Variants in RNF168 observed in about 807,000 individuals in gnomAD.
RNF168 encodes the protein ring finger protein 168.
In RNF168, 34 loss-of-function variants were observed where a neutral mutation model predicts 34.9. The observed-to-expected ratio is 0.97, with a 90% CI of 0.74 to 1.30. The LOEUF (loss-of-function observed/expected upper bound fraction) is 1.30, where lower values mean the gene tolerates loss of function less well. Among genes scored for constraint, RNF168 ranks in the 50% most tolerant of loss-of-function variants. The pLI is 0.00. For synonymous variants in RNF168, 264 were observed against 254.7 expected (o/e 1.04, Z -0.35); for missense variants, 725 against 682.5 (o/e 1.06, Z -0.69).
rs978930488 is a variant in RNF168, at chr3:196,483,823, G to C, written c.627C>G (p.Pro209=). 3 of 1,606,310 alleles carry C rather than the reference G, an allele frequency of 1.9e-6. No homozygotes were observed. The highest frequency in any genetic ancestry group is 3.3e-5 in the Admixed American group (2 of 59,988). The change falls in exon 4 of 6, where the codon CCC becomes CCG. Residue 209 remains proline, a synonymous_variant. Transcript: ENST00000318037. ...LNSRKSDPVT[P]KSEKKSKNKQ... ...TGTTCTTACTTTTCTTTTCAGACTT[G>C]GGTGTAACTGGATCAGATTTTCTGG...
In RNF168 at chr3:196,472,063, C is replaced by T; in HGVS notation, c.1472G>A (p.Arg491Lys). Reference protein sequence around the residue: ...SPPDKVLNGQRKNPKDGNFKR... With the variant: ...SPPDKVLNGQKKNPKDGNFKR... ...GAAGTTCCCATCTTTGGGATTCTTCCTCTGTCCATTTAGCACTTTGTCTGG... is the reference window on the plus strand; with the variant it reads ...GAAGTTCCCATCTTTGGGATTCTTCTTCTGTCCATTTAGCACTTTGTCTGG... The change falls in exon 6 of 6, where the codon AGG (arginine) becomes AAG (lysine). Residue 491 changes from arginine to lysine, a missense_variant. By Grantham distance (26) the Arg-to-Lys change is conservative. Transcript: ENST00000318037. 1 of 1,613,594 alleles carries T rather than the reference C, an allele frequency of 6.2e-7. No homozygotes were observed. The highest frequency in any genetic ancestry group is 1.1e-5 in the South Asian group (1 of 91,002).
rs1421947262 is a variant in RNF168, at chr3:196,483,896, A to G, written c.559-5T>C. ...ACTTCCCTCACAGAAATTGTTCTTC[A>G]ACAATAGAAAAAGCATAACAGACAT... On this transcript the variant is annotated splice_region_variant and splice_polypyrimidine_tract_variant and intron_variant, in intron 3 of 5. Coordinates refer to ENST00000318037, the MANE Select transcript of RNF168 (RefSeq NM_152617.4). 6.2e-7 allele frequency: 1 copy of G among 1,602,716 alleles called. No individual in the cohort carries two copies. The highest frequency in any genetic ancestry group is 8.5e-7 in the Non-Finnish European group (1 of 1,169,920).
At chr3:196,480,116 G>A (rs1002674349) in intron 4 of RNF168, among the ~76,000 whole-genome samples, 7 of 152,258 alleles carry the variant, frequency 4.6e-5, no homozygotes, top group Admixed American at 1.3e-4. Flanking sequence ...TCACCAGAAA[G>A]TATACTTAGG....
intron 4 of RNF168, among the ~76,000 whole-genome samples, chr3:196,483,240 A>C (rs1732339663): frequency 6.6e-6 from 1 of 152,202 alleles, no homozygotes; most frequent in East Asian, 1.9e-4. Flanking sequence ...AGAAGTCCTT[A>C]TGTATTTTTC....
chr3:196,475,017 G>A lies in RNF168; in HGVS notation c.762+214C>T, dbSNP rs1162394490. 7.5e-6 allele frequency: 4 copies of A among 530,804 alleles called. No individual in the cohort carries two copies. The East Asian group carries it at 1.3e-4, about 18-fold the overall frequency. 32.9% of individuals were successfully genotyped at this position (530,804 alleles called of 1,614,324 possible). A position where few individuals can be genotyped will look rare whatever the true frequency, so the allele number is the denominator to read the frequency against. On this transcript the variant is annotated intron_variant, in intron 5 of 5. Transcript: ENST00000318037. Reference sequence around the variant, plus strand: ...AAAGGCGAAAATATTCACTCTCTTAGAGAAAAACTTTGCTTTTTGTAGTAT... The same window carrying A: ...AAAGGCGAAAATATTCACTCTCTTAAAGAAAAACTTTGCTTTTTGTAGTAT...
chr3:196,498,776 CCT>C, intron 1 of RNF168, among the ~76,000 whole-genome samples: 2 of 152,080 alleles, frequency 1.3e-5, no homozygotes, highest in African/African-American at 4.8e-5. Flanking sequence ...GGGTGGATCA[CCT>C]GAGGTCAGGA....
At chr3:196,473,997 A>T (rs1157252667) in intron 5 of RNF168, among the ~76,000 whole-genome samples, 1 of 152,168 alleles carries the variant, frequency 6.6e-6, no homozygotes, top group East Asian at 1.9e-4. Flanking sequence ...TGTGGTCTCA[A>T]AGTAGTTAAT....
chr3:196,503,028 A>C lies in RNF168; in HGVS notation c.146T>G (p.Leu49Ter). 6.2e-7 allele frequency: 1 copy of C among 1,614,134 alleles called. No homozygotes were observed. The highest frequency in any genetic ancestry group is 8.5e-7 in the Non-Finnish European group (1 of 1,180,030). The change falls in exon 1 of 6, where the codon TTA (leucine) becomes TGA (stop). Residue 49 changes from leucine to a stop codon, truncating the protein, a stop_gained. Transcript: ENST00000318037. LOFTEE classifies it high-confidence loss of function. Reference sequence around the variant, plus strand: ...CCGGCGGCGACAGAAGGGACAGCATAAACTCGCCTTTTCGACGGTCGACTG... The same window carrying C: ...CCGGCGGCGACAGAAGGGACAGCATCAACTCGCCTTTTCGACGGTCGACTG... ...CFQSTVEKAS[L>*]CCPFCRRRVS...
At chr3:196,502,042 C>A (rs1338463450) in intron 1 of RNF168, among the ~76,000 whole-genome samples, 8 of 39,944 alleles carry the variant, frequency 2.0e-4, no homozygotes, top group Non-Finnish European at 2.6e-4. Flanking sequence ...TAACTGTGAC[C>A]AAAAAAAATT....
intron 1 of RNF168, among the ~76,000 whole-genome samples, chr3:196,492,188 C>T (rs1243429137): frequency 6.6e-6 from 1 of 152,110 alleles, no homozygotes; most frequent in East Asian, 1.9e-4. Flanking sequence ...TCACTTTACA[C>T]ATTAGATACA....
rs780872773 is a variant in RNF168 at position 196,503,084 on chromosome 3, C to A, written c.90G>T (p.Pro30=). 5 of 1,614,122 alleles carry A rather than the reference C, an allele frequency of 3.1e-6. No individual in the cohort carries two copies. The East Asian group carries it at 8.9e-5, about 29-fold the overall frequency. The change falls in exon 1 of 6, where the codon CCG becomes CCT. Residue 30 remains proline (P), a synonymous_variant. Coordinates refer to ENST00000318037, the MANE Select transcript of RNF168 (RefSeq NM_152617.4). ...MEILVEPVTL[P]CNHTLCKPCF... ...ACGGTTTACACAGCGTGTGGTTACA[C>A]GGGAGGGTGACGGGCTCCACGAGGA...
In RNF168 at chr3:196,495,176, C is replaced by CGTGTGT. The variant is rs34914417; in HGVS notation, c.302-6499_302-6494dup. ...GTTTTTAAACTGCCACATTGCCTTT[C>CGTGTGT]GTGTGTGTGTGTGTGTATTTTCTGA... On this transcript the variant is annotated intron_variant, in intron 1 of 5. Coordinates refer to ENST00000318037, the MANE Select transcript of RNF168 (RefSeq NM_152617.4). Among the ~76,000 whole-genome samples, 1,474 of 150,026 alleles carry CGTGTGT rather than the reference C, an allele frequency of 9.8e-3. 19 individuals are homozygous for CGTGTGT. The highest frequency in any genetic ancestry group is 0.034 in the African/African-American group (1,357 of 40,114).
In RNF168 at chr3:196,474,247, C is replaced by T. The variant is rs147155425; in HGVS notation, c.762+984G>A. On this transcript the variant is annotated intron_variant, in intron 5 of 5. Coordinates refer to ENST00000318037, the MANE Select transcript of RNF168 (RefSeq NM_152617.4). Reference sequence around the variant, plus strand: ...GGTTCAAGCAATACTCCTGCCTCAGCCTCCTGAGTAGCAGGGACTACAGGT... The same window carrying T: ...GGTTCAAGCAATACTCCTGCCTCAGTCTCCTGAGTAGCAGGGACTACAGGT... Among the ~76,000 whole-genome samples the T allele has an allele frequency of 9.9e-3, 1,496 of 151,120 alleles. 29 individuals are homozygous for T. Among genetic ancestry groups the T allele is most frequent in the African/African-American group, 0.034 (1,408 of 41,040 alleles).
chr3:196,500,743 G>A (rs903180280), intron 1 of RNF168, among the ~76,000 whole-genome samples: 1 of 151,302 alleles, frequency 6.6e-6, no homozygotes, highest in African/African-American at 2.4e-5. Context: ...ACGGAGTCTC[G>A]CTCTGTCTCC....
intron 4 of RNF168, among the ~76,000 whole-genome samples, chr3:196,476,940 G>T (rs1732164394): frequency 6.6e-6 from 1 of 151,112 alleles, no homozygotes; most frequent in Non-Finnish European, 1.5e-5. Context: ...TAGAGACAGG[G>T]TTTCACCACG....
At chr3:196,473,379 TGTGAG>T (rs1732060260) in intron 5 of RNF168, among the ~76,000 whole-genome samples, 1 of 152,122 alleles carries the variant, frequency 6.6e-6, no homozygotes, top group Non-Finnish European at 1.5e-5. Context: ...TTCAAAAAAA[TGTGAG>T]GTAATAATGT....
chr3:196,495,002 G>A (rs1732703844), intron 1 of RNF168, among the ~76,000 whole-genome samples: 2 of 152,272 alleles, frequency 1.3e-5, no homozygotes, highest in Admixed American at 6.5e-5. Flanking sequence ...CAGCCTGGGC[G>A]ACTAAGTGAG....
chr3:196,492,777 C>CAAATAAAT (rs553940481), intron 1 of RNF168, among the ~76,000 whole-genome samples: 184 of 151,388 alleles, frequency 1.2e-3, no homozygotes, highest in Admixed American at 3.4e-3. Flanking sequence ...GACTCCATCT[C>CAAATAAAT]AAATAAATAA....
intron 1 of RNF168, among the ~76,000 whole-genome samples, chr3:196,498,096 A>C (rs1224676409): frequency 1.3e-5 from 2 of 152,224 alleles, no homozygotes; most frequent in Admixed American, 6.5e-5. Flanking sequence ...CGGCAACCAG[A>C]ACCTGTATGC....
Sources: gnomAD v4.1 joint callset for allele counts (sites outside exome capture counted in the v4.1 genomes callset) on GRCh38, gnomAD v4.1.1 for gene constraint, MANE v1.5 for transcripts, NCBI Gene and HGNC (gene_info 2026-07-23, HGNC 2026-07-21) for gene names.